The following MAP7D3 variants were observed in gnomAD, a reference collection of about 807,000 sequenced individuals.
MAP7D3 encodes MAP7 domain-containing protein 3.
Under a neutral mutation model 62.2 loss-of-function variants are expected in MAP7D3, and 45 were observed. That is an observed-to-expected ratio of 0.72 (90% CI 0.57 to 0.93). The LOEUF (loss-of-function observed/expected upper bound fraction) is 0.93, where lower values mean the gene tolerates loss of function less well. Ranked by LOEUF, MAP7D3 falls within the 40% of genes least tolerant of loss-of-function variation. The pLI is 0.00. For missense variants in MAP7D3, 711 were observed against 683.1 expected, an observed-to-expected ratio of 1.04 and a Z score of -0.45; for synonymous variants, 288 against 248.8, an observed-to-expected ratio of 1.16 and a Z score of -1.48.
At chrX:136,235,654 C>T (rs1409987573) in intron 7 of MAP7D3, among the ~76,000 whole-genome samples, 7 of 110,822 alleles carry the variant, frequency 6.3e-5, no homozygotes, top group African/African-American at 2.0e-4. Flanking sequence ...GAAGCTGAGG[C>T]GGGAGAATCG....
At chrX:136,232,291 G>T in intron 7 of MAP7D3, 71 bp from the exon 8 acceptor site, 1 of 704,512 alleles carries the variant, frequency 1.4e-6, no homozygotes, top group Non-Finnish European at 2.2e-6. Context: ...CAGGTACACA[G>T]TATAAGAACA....
intron 14 of MAP7D3, 85 bp from the exon 15 acceptor site, chrX:136,222,571 G>A: frequency 5.4e-6 from 4 of 735,257 alleles, no homozygotes; most frequent in Non-Finnish European, 8.1e-6. Flanking sequence ...CTTCAAAGCT[G>A]GACTGATGGC....
At chrX:136,253,759 G>A (rs985023912), upstream of MAP7D3, among the ~76,000 whole-genome samples, 5 of 111,629 alleles carry the variant, frequency 4.5e-5, no homozygotes, top group Admixed American at 1.9e-4. Context: ...GGCTGAGGCC[G>A]GCACATTGCT....
rs2074119374 is a variant in MAP7D3, at chrX:136,220,951, C to T, written c.2300G>A (p.Gly767Asp). ...TTTAAATTTGGTAGGTGAGCCTGTG[C>T]CATTTAGAATGGCTAGGAAAAAAAA... ...NEMFPSAILN[G>D]TGSPTKFKMP... is the part of the protein sequence containing the mutation. The change falls in exon 16 of 19, where the codon GGC (glycine) becomes GAC (aspartate). Residue 767 changes from glycine (G) to aspartate (D), a missense_variant. Transcript: ENST00000316077. The T allele has an allele frequency of 8.4e-7, 1 of 1,192,192 alleles. No homozygotes were observed.
intron 1 of MAP7D3, among the ~76,000 whole-genome samples, chrX:136,248,801 T>C (rs755064206): frequency 7.1e-5 from 8 of 112,582 alleles, no homozygotes; most frequent in African/African-American, 2.6e-4. Flanking sequence ...ATTTTTTTTA[T>C]AGTTGAAAAA....
downstream of MAP7D3, chrX:136,213,520 C>T (rs978255438): frequency 9.0e-6 from 1 of 111,003 alleles, no homozygotes; most frequent in Non-Finnish European, 1.9e-5. Flanking sequence ...AAAATTTCTA[C>T]TTTGCAGAAT....
chrX:136,214,560 G>A (rs887701623), downstream of MAP7D3: 9 of 111,985 alleles, frequency 8.0e-5, no homozygotes, highest in Middle Eastern at 4.6e-3. Context: ...CCCCTCATTT[G>A]ACAGACAAGG....
At chrX:136,255,238 A>G (rs916340511), upstream of MAP7D3, among the ~76,000 whole-genome samples, 1 of 112,648 alleles carries the variant, frequency 8.9e-6, no homozygotes, top group Admixed American at 9.4e-5. Context: ...AACAAAAAAA[A>G]GCAAATAAAA....
intron 1 of MAP7D3, among the ~76,000 whole-genome samples, chrX:136,250,948 G>A (rs990974301): frequency 8.1e-5 from 9 of 111,424 alleles, no homozygotes; most frequent in African/African-American, 2.9e-4. Flanking sequence ...CGGTCCGCGG[G>A]GTCCGGCTTC....
chrX:136,246,596 T>G lies in MAP7D3; in HGVS notation c.71-255A>C, dbSNP rs772216462. ...GACATAAAGATAATTGAGTTGTTAG[T>G]GGCGGTGGCAGCATAAGTTTGTGGA... On this transcript the variant is annotated intron_variant, in intron 1 of 18. Coordinates refer to ENST00000316077, the MANE Select transcript of MAP7D3 (RefSeq NM_024597.4). Among the ~76,000 whole-genome samples, 4 of 112,258 alleles carry G rather than the reference T, an allele frequency of 3.6e-5. No individual in the cohort carries two copies. The South Asian group carries it at 1.5e-3, about 41-fold the overall frequency.
At chrX:136,234,625 A>G (rs1001439736) in intron 7 of MAP7D3, among the ~76,000 whole-genome samples, 6 of 112,204 alleles carry the variant, frequency 5.3e-5, no homozygotes. Context: ...GTAACTACGG[A>G]TTCAAACTAT....
chrX:136,246,206 CA>C, intron 2 of MAP7D3, 36 bp downstream of exon 2: 1 of 1,117,853 alleles, frequency 8.9e-7, no homozygotes, highest in South Asian at 1.9e-5. Context: ...AAAGATATGA[CA>C]CTTTGACATC....
chrX:136,225,424 A>T (rs949043260), intron 13 of MAP7D3, among the ~76,000 whole-genome samples: 7 of 111,444 alleles, frequency 6.3e-5, no homozygotes, highest in African/African-American at 9.8e-5. Context: ...AAGGTGACCA[A>T]TCTACTACCA....
intron 6 of MAP7D3, among the ~76,000 whole-genome samples, chrX:136,237,111 A>T (rs2074338405): frequency 8.9e-6 from 1 of 112,835 alleles, no homozygotes; most frequent in South Asian, 3.6e-4. Context: ...CTTTCATTTC[A>T]CTTGAGATAC....
chrX:136,251,167 C>T, intron 1 of MAP7D3, 122 bp downstream of exon 1: 1 of 543,777 alleles, frequency 1.8e-6, no homozygotes, highest in Non-Finnish European at 2.8e-6. Context: ...CCAGATAGCA[C>T]GAGGCGACTC....
At chrX:136,249,644 T>C (rs2074483948) in intron 1 of MAP7D3, among the ~76,000 whole-genome samples, 2 of 112,234 alleles carry the variant, frequency 1.8e-5, no homozygotes, top group African/African-American at 6.5e-5. Context: ...ATGTTATGTA[T>C]TCAAGACAGT....
intron 1 of MAP7D3, among the ~76,000 whole-genome samples, chrX:136,250,693 G>C (rs1326076014): frequency 1.8e-5 from 2 of 112,151 alleles, no homozygotes; most frequent in Non-Finnish European, 3.8e-5. Flanking sequence ...GACCTTGACC[G>C]GGAGGGTGCA....
chrX:136,221,043 G>T (rs941935340), intron 15 of MAP7D3, 80 bp from the exon 16 acceptor site: 3 of 735,871 alleles, frequency 4.1e-6, no homozygotes, highest in Admixed American at 4.7e-5. Context: ...ATCCTGATGG[G>T]ATGGGGAGTG....
At chrX:136,240,325 T>C (rs2074374798) in intron 6 of MAP7D3, 57 bp downstream of exon 6, 1 of 740,638 alleles carries the variant, frequency 1.4e-6, no homozygotes, top group Non-Finnish European at 2.1e-6. Context: ...TGTAAAAATA[T>C]AAAGAACTGA....
Sources: gnomAD v4.1 joint callset for allele counts (sites outside exome capture counted in the v4.1 genomes callset) on GRCh38, gnomAD v4.1.1 for gene constraint, MANE v1.5 for transcripts, NCBI Gene and HGNC (gene_info 2026-07-23, HGNC 2026-07-21) for gene names.